OR2C1: variants seen among roughly 807,000 people sequenced by gnomAD.
The protein encoded by OR2C1 is olfactory receptor 2C1.
For missense variants in OR2C1, 468 were observed against 388.3 expected (o/e 1.21, Z -1.73); for synonymous variants, 209 against 167.3 (o/e 1.25, Z -1.92).
At chr16:3,341,330 T>C in the OR2C1 span, among the ~76,000 whole-genome samples, 95,647 of 151,902 alleles carry the variant, frequency 0.63, 30,257 homozygotes, top group East Asian at 0.79. Flanking sequence ...AATTTATTAG[T>C]TTTAGTAGTT....
At position 3,356,910 on chromosome 16, in the gene OR2C1, T is replaced by G. The variant is rs2030691333; in HGVS notation, c.*31T>G. 1 of 1,482,620 alleles carries G rather than the reference T, an allele frequency of 6.7e-7. No individual in the cohort carries two copies. Among genetic ancestry groups the G allele is most frequent in the Non-Finnish European group, 9.1e-7 (1 of 1,102,864 alleles). 91.8% of individuals were successfully genotyped at this position (1,482,620 alleles called of 1,614,324 possible). On this transcript the variant is annotated 3_prime_UTR_variant, in exon 1 of 1. Coordinates refer to ENST00000304936, the MANE Select transcript of OR2C1 (RefSeq NM_012368.3). ...CACTCCTTCGTTATTTATTGCGTCT[T>G]CATCTCTACATGCGTTTCTCATTAA...
At chr16:3,350,148 C>T in the OR2C1 span, among the ~76,000 whole-genome samples, 6,276 of 144,992 alleles carry the variant, frequency 0.043, 180 homozygotes, top group Middle Eastern at 0.064. Flanking sequence ...CACCGCCTTC[C>T]AGGTTCAAGC....
upstream of OR2C1, among the ~76,000 whole-genome samples, chr16:3,352,565 C>T (rs115247043): frequency 5.8e-3 from 884 of 151,650 alleles, 12 homozygotes; most frequent in African/African-American, 0.02. Context: ...TTTTTTCTTT[C>T]ATTCATCCTT....
the OR2C1 span, among the ~76,000 whole-genome samples, chr16:3,341,239 TTTTAA>T: frequency 6.6e-6 from 1 of 151,684 alleles, no homozygotes; most frequent in African/African-American, 2.4e-5. Flanking sequence ...ATAATTTCCT[TTTTAA>T]TTTGTTTATT....
chr16:3,342,905 A>G, the OR2C1 span, among the ~76,000 whole-genome samples: 1 of 152,156 alleles, frequency 6.6e-6, no homozygotes. Context: ...ACATGAATGA[A>G]CTATTTATAC....
chr16:3,340,749 T>C, the OR2C1 span, among the ~76,000 whole-genome samples: 1 of 152,204 alleles, frequency 6.6e-6, no homozygotes, highest in African/African-American at 2.4e-5. Context: ...AAGTTGTCCA[T>C]AGGGGGTTAT....
the OR2C1 span, among the ~76,000 whole-genome samples, chr16:3,338,867 A>G: frequency 6.6e-6 from 1 of 152,194 alleles, no homozygotes; most frequent in African/African-American, 2.4e-5. Flanking sequence ...TGATATTCAC[A>G]TAAAATAAAA....
At chr16:3,353,860 C>G (rs2030613079), upstream of OR2C1, among the ~76,000 whole-genome samples, 1 of 151,930 alleles carries the variant, frequency 6.6e-6, no homozygotes, top group Non-Finnish European at 1.5e-5. Flanking sequence ...GGTTTATGAT[C>G]TTCAGAAAAG....
At chr16:3,352,893 C>T (rs922019819), upstream of OR2C1, among the ~76,000 whole-genome samples, 1 of 151,260 alleles carries the variant, frequency 6.6e-6, no homozygotes, top group Non-Finnish European at 1.5e-5. Flanking sequence ...AGACATGTAG[C>T]ACCACGCCCG....
At chr16:3,326,456 T>C in the OR2C1 span, among the ~76,000 whole-genome samples, 26 of 152,342 alleles carry the variant, frequency 1.7e-4, no homozygotes, top group East Asian at 4.8e-3. Flanking sequence ...CACACCTCTA[T>C]TGCAGTTTTA....
chr16:3,353,885 A>T (rs1015460252), upstream of OR2C1, among the ~76,000 whole-genome samples: 4 of 152,124 alleles, frequency 2.6e-5, no homozygotes, highest in Admixed American at 2.6e-4. Flanking sequence ...GATCCTGGCC[A>T]AGGAAAGGGG....
At chr16:3,340,472 T>C in the OR2C1 span, among the ~76,000 whole-genome samples, 1 of 152,326 alleles carries the variant, frequency 6.6e-6, no homozygotes, top group East Asian at 1.9e-4. Context: ...TTTAATGAGG[T>C]CCAATTTATG....
chr16:3,337,280 A>T, the OR2C1 span, among the ~76,000 whole-genome samples: 1 of 151,684 alleles, frequency 6.6e-6, no homozygotes, highest in Non-Finnish European at 1.5e-5. Flanking sequence ...TCAGCCTCCC[A>T]AGTAGCTGGG....
At chr16:3,334,894 C>T in the OR2C1 span, among the ~76,000 whole-genome samples, 6 of 151,946 alleles carry the variant, frequency 3.9e-5, 1 homozygote, top group South Asian at 1.0e-3. Flanking sequence ...TCTCGGCTCA[C>T]TGCAGCCTCC....
the OR2C1 span, among the ~76,000 whole-genome samples, chr16:3,333,035 CA>C: frequency 6.6e-6 from 1 of 151,956 alleles, no homozygotes; most frequent in South Asian, 2.1e-4. Context: ...TCCTCGCCAG[CA>C]GCTGTTATTT....
At chr16:3,354,799 G>C (rs1198182016), upstream of OR2C1, among the ~76,000 whole-genome samples, 1 of 152,070 alleles carries the variant, frequency 6.6e-6, no homozygotes, top group African/African-American at 2.4e-5. Flanking sequence ...CAAGAGATAG[G>C]GTCTCCCTCT....
the OR2C1 span, among the ~76,000 whole-genome samples, chr16:3,330,256 G>A: frequency 2.0e-5 from 3 of 151,654 alleles, no homozygotes; most frequent in Admixed American, 2.0e-4. Context: ...ATAGGCGCCC[G>A]CCACCACACC....
chr16:3,345,472 T>C, the OR2C1 span, among the ~76,000 whole-genome samples: 5 of 132,110 alleles, frequency 3.8e-5, no homozygotes, highest in African/African-American at 5.9e-5. Flanking sequence ...GGTGACAGAG[T>C]GAGACTCTGT....
chr16:3,346,260 C>A, the OR2C1 span, among the ~76,000 whole-genome samples: 2 of 152,062 alleles, frequency 1.3e-5, no homozygotes, highest in African/African-American at 4.8e-5. Context: ...TGGACTATAT[C>A]CCAAGTGACT....
Sources: allele counts gnomAD v4.1 joint callset (sites outside exome capture counted in the v4.1 genomes callset), GRCh38; gene constraint gnomAD v4.1.1; transcripts MANE v1.5; gene names NCBI Gene and HGNC (gene_info 2026-07-23, HGNC 2026-07-21).